Variants in ABCC1 observed in about 807,000 individuals in gnomAD.
ABCC1 encodes multidrug resistance-associated protein 1.
A neutral mutation model predicts 172.9 loss-of-function variants in ABCC1; 83 were observed. The observed-to-expected ratio is 0.48, with a 90% CI of 0.40 to 0.58. The LOEUF (loss-of-function observed/expected upper bound fraction) is 0.58. Ranked by LOEUF, ABCC1 falls within the 20% of genes least tolerant of loss-of-function variation. ABCC1 has a pLI of 0.00. For synonymous variants in ABCC1, 937 were observed against 825.2 expected (o/e 1.14, Z -2.32); for missense variants, 1,817 against 2,002.7 (o/e 0.91, Z 1.77).
At chr16:16,114,052 C>A (rs2044737638) in intron 22 of ABCC1, among the ~76,000 whole-genome samples, 1 of 152,170 alleles carries the variant, frequency 6.6e-6, no homozygotes. Flanking sequence ...GAGCTGCTGC[C>A]AATCTGTGGC....
chr16:16,055,990 C>A, intron 11 of ABCC1, 102 bp from the exon 12 acceptor site: 2 of 1,015,762 alleles, frequency 2.0e-6, no homozygotes, highest in South Asian at 3.2e-5. Flanking sequence ...ATTTACATGT[C>A]AAAGTATATA....
chr16:16,083,189 C>G (rs904915389), intron 16 of ABCC1, among the ~76,000 whole-genome samples, 177 bp from the exon 17 acceptor site: 16 of 152,184 alleles, frequency 1.1e-4, no homozygotes, highest in Non-Finnish European at 2.1e-4. Flanking sequence ...GGGTTCTGAT[C>G]CCAGCCCTGG....
chr16:15,979,351 C>G (rs1388256840), intron 1 of ABCC1, among the ~76,000 whole-genome samples: 1 of 151,898 alleles, frequency 6.6e-6, no homozygotes, highest in East Asian at 1.9e-4. Context: ...GTGAAGTAGT[C>G]TAGATGAGAT....
At chr16:15,952,883 A>G (rs2045908611) in intron 1 of ABCC1, among the ~76,000 whole-genome samples, 1 of 150,400 alleles carries the variant, frequency 6.6e-6, no homozygotes, top group African/African-American at 2.5e-5. Context: ...ATACCAAAAA[A>G]AAAAAAAAAG....
At chr16:16,048,416 C>T (rs954885911) in intron 10 of ABCC1, 113 bp downstream of exon 10, 2 of 1,243,046 alleles carry the variant, frequency 1.6e-6, no homozygotes, top group African/African-American at 1.5e-5. Context: ...CCTGGCAGTT[C>T]CGGCTGTGGT....
At chr16:16,109,402 C>T (rs2052288887) in intron 21 of ABCC1, among the ~76,000 whole-genome samples, 1 of 152,150 alleles carries the variant, frequency 6.6e-6, no homozygotes, top group Non-Finnish European at 1.5e-5. Context: ...GTCTCAAACT[C>T]CTGGGCTCAA....
intron 10 of ABCC1, among the ~76,000 whole-genome samples, chr16:16,052,426 C>T (rs1255058483): frequency 7.3e-6 from 1 of 137,776 alleles, no homozygotes; most frequent in Non-Finnish European, 1.6e-5. Flanking sequence ...GAGACCTCAT[C>T]TCCTAAAAAA....
At chr16:16,048,738 G>C (rs753551307) in intron 10 of ABCC1, among the ~76,000 whole-genome samples, 9 of 152,194 alleles carry the variant, frequency 5.9e-5, no homozygotes, top group Admixed American at 5.9e-4. Flanking sequence ...TGTAATCCCA[G>C]CACTTTGGGA....
intron 4 of ABCC1, among the ~76,000 whole-genome samples, chr16:16,015,153 G>C (rs1270938078): frequency 1.0e-5 from 1 of 98,818 alleles, no homozygotes; most frequent in Non-Finnish European, 2.1e-5. Flanking sequence ...TTTTTTTGCT[G>C]TTGTTGAGGC....
Position 16,068,097 on chromosome 16 carries a change from C to T in ABCC1, c.1678-59C>T, listed in dbSNP as rs1235676619. ...CGCGTCTCCAGGGCCTGTCACTGCT[C>T]CTAGGATGATGACTCTCACTCGGGG... On this transcript the variant is annotated intron_variant, in intron 12 of 30. Transcript: ENST00000399410. 21 of 1,605,376 alleles carry T rather than the reference C, an allele frequency of 1.3e-5. 1 individual carries two copies. In the South Asian group the frequency reaches 1.8e-4, roughly 13 times the overall value.
chr16:15,959,596 G>A (rs575569492), intron 1 of ABCC1, among the ~76,000 whole-genome samples: 38 of 152,312 alleles, frequency 2.5e-4, no homozygotes, highest in Non-Finnish European at 3.8e-4. Flanking sequence ...AAAGTGCTGG[G>A]ATTACAGGCG....
chr16:16,104,322 T>C (rs2051957384), intron 20 of ABCC1, among the ~76,000 whole-genome samples: 1 of 152,200 alleles, frequency 6.6e-6, no homozygotes, highest in Admixed American at 6.5e-5. Flanking sequence ...AGCCGATTGG[T>C]CTGTTTTTAC....
At chr16:16,088,870 ATTTATT>A (rs1175612249) in intron 18 of ABCC1, among the ~76,000 whole-genome samples, 1 of 151,946 alleles carries the variant, frequency 6.6e-6, no homozygotes, top group African/African-American at 2.4e-5. Flanking sequence ...TGCCTGGCTA[ATTTATT>A]TTTATTTTTA....
At chr16:15,949,825 C>T (rs1289179559) in intron 1 of ABCC1, 26 bp downstream of exon 1, 1 of 1,192,488 alleles carries the variant, frequency 8.4e-7, no homozygotes. Context: ...CGCGTGAGGC[C>T]GGCGGGACGG....
At chr16:16,064,491 C>T (rs1329413397) in intron 12 of ABCC1, among the ~76,000 whole-genome samples, 1 of 152,218 alleles carries the variant, frequency 6.6e-6, no homozygotes, top group Non-Finnish European at 1.5e-5. Context: ...GAAGCCAGGA[C>T]CATGGACCTG....
rs148834444 is a variant in ABCC1, at chr16:15,982,803, C to CAAAAAAAAAAAAAAAAAAAAA, written c.49-25012_49-24992dup. 1.2e-4 allele frequency among the ~76,000 whole-genome samples: 5 copies of CAAAAAAAAAAAAAAAAAAAAA among 43,220 alleles called. 2 individuals carry two copies. Among genetic ancestry groups the CAAAAAAAAAAAAAAAAAAAAA allele is most frequent in the African/African-American group, 2.5e-4 (3 of 11,940 alleles). 28.4% of individuals were successfully genotyped at this position (43,220 alleles called of 152,430 possible). ...TCTGGGCAACAGAGTGAGACGCTGT[C>CAAAAAAAAAAAAAAAAAAAAA]AAAAAAAAAAAAAAAAAAAAAGGAA... On this transcript the variant is annotated intron_variant, in intron 1 of 30. Transcript: ENST00000399410.
In ABCC1 at chr16:16,106,885, T is replaced by C. The variant is rs1567412378; in HGVS notation, c.2871+12T>C. ...CGCAGACAGGGCAGGTGAGATTCGC[T>C]CCTTAAGTGATGACAGTGGCTGGAG... On this transcript the variant is annotated intron_variant, in intron 21 of 30. Transcript: ENST00000399410. 1.9e-6 allele frequency: 3 copies of C among 1,613,858 alleles called. No individual in the cohort carries two copies. The highest frequency in any genetic ancestry group is 1.7e-5 in the Admixed American group (1 of 59,992).
chr16:16,109,200 A>G (rs1266891167), intron 21 of ABCC1, among the ~76,000 whole-genome samples: 2 of 151,940 alleles, frequency 1.3e-5, no homozygotes, highest in Non-Finnish European at 2.9e-5. Context: ...GGTGAGGGGC[A>G]GAGCCTCACT....
rs185768585 is a variant in ABCC1 at position 16,127,263 on chromosome 16, G to A, written c.3819+1352G>A. Among the ~76,000 whole-genome samples the A allele has an allele frequency of 2.6e-4, 40 of 152,244 alleles. 1 individual carries two copies. The highest frequency in any genetic ancestry group is 3.3e-4 in the Admixed American group (5 of 15,286). ...TTGAGACACGGTCTCACTCTTGCCC[G>A]GGTTGGAGTGTAGTGCGATCTCATT... On this transcript the variant is annotated intron_variant, in intron 26 of 30. Coordinates refer to ENST00000399410, the MANE Select transcript of ABCC1 (RefSeq NM_004996.4).
Sources: gnomAD v4.1 joint callset for allele counts (sites outside exome capture counted in the v4.1 genomes callset) on GRCh38, gnomAD v4.1.1 for gene constraint, MANE v1.5 for transcripts, NCBI Gene and HGNC (gene_info 2026-07-23, HGNC 2026-07-21) for gene names.